Variants in SEC23A observed in about 807,000 individuals in gnomAD.
SEC23A encodes protein transport protein Sec23A.
SEC23A carries 56 observed loss-of-function variants against 103.7 expected under a neutral mutation model. The observed-to-expected ratio is 0.54, with a 90% CI of 0.44 to 0.67. The LOEUF (loss-of-function observed/expected upper bound fraction) is 0.67, where lower values mean the gene tolerates loss of function less well. Ranked by LOEUF, SEC23A falls within the 30% of genes least tolerant of loss-of-function variation. The pLI is 0.00. For synonymous variants in SEC23A, 281 were observed against 293.0 expected (o/e 0.96, Z 0.42); for missense variants, 784 against 936.4 (o/e 0.84, Z 2.12).
In SEC23A at chr14:39,103,119, G is replaced by C. The variant is rs1566521947; in HGVS notation, c.-109C>G. ...TCGCAGCCTCCGCTTTGCAAAATCT[G>C]TCCTCTCCGCCCAGCAGGAGCAGTC... On this transcript the variant is annotated 5_prime_UTR_variant, in exon 1 of 20. Coordinates refer to ENST00000307712, the MANE Select transcript of SEC23A (RefSeq NM_006364.4). 6.6e-6 allele frequency: 1 copy of C among 152,182 alleles called. No individual in the cohort carries two copies. The highest frequency in any genetic ancestry group is 1.5e-5 in the Non-Finnish European group (1 of 68,202). 9.4% of individuals were successfully genotyped at this position (152,182 alleles called of 1,614,324 possible).
intron 1 of SEC23A, among the ~76,000 whole-genome samples, chr14:39,101,771 ATT>A (rs1946142006): frequency 6.6e-6 from 1 of 152,188 alleles, no homozygotes; most frequent in Admixed American, 6.5e-5. Flanking sequence ...TGCCAATTAA[ATT>A]TGTCTCCTAC....
intron 13 of SEC23A, among the ~76,000 whole-genome samples, chr14:39,056,000 G>C (rs1015353711): frequency 2.0e-5 from 3 of 152,240 alleles, no homozygotes; most frequent in African/African-American, 7.2e-5. Flanking sequence ...AGGCTCTCTT[G>C]AGCAAAGCTA....
intron 7 of SEC23A, among the ~76,000 whole-genome samples, chr14:39,081,206 TA>T (rs780983657): frequency 1.9e-3 from 238 of 127,594 alleles, no homozygotes; most frequent in Non-Finnish European, 2.0e-3. Context: ...AGGCTCTGTT[TA>T]AAAAAAAAAA....
intron 14 of SEC23A, among the ~76,000 whole-genome samples, chr14:39,049,347 G>A (rs560273484): frequency 7.9e-5 from 12 of 151,842 alleles, no homozygotes; most frequent in African/African-American, 1.9e-4. Flanking sequence ...ATGGTGGTGC[G>A]CGCCTGTAAT....
intron 7 of SEC23A, among the ~76,000 whole-genome samples, chr14:39,077,170 G>A (rs1226860110): frequency 1.5e-5 from 2 of 136,314 alleles, no homozygotes; most frequent in Non-Finnish European, 3.1e-5. Flanking sequence ...TGAGGTTGCA[G>A]TGAGCCAAGA....
At chr14:39,053,604 T>C (rs1472503514) in intron 14 of SEC23A, among the ~76,000 whole-genome samples, 1 of 151,680 alleles carries the variant, frequency 6.6e-6, no homozygotes, top group African/African-American at 2.4e-5. Context: ...GGAGGTGAAA[T>C]CAAAAAAGTT....
At chr14:39,068,468 A>G (rs1886745373) in intron 9 of SEC23A, among the ~76,000 whole-genome samples, 1 of 152,244 alleles carries the variant, frequency 6.6e-6, no homozygotes, top group South Asian at 2.1e-4. Context: ...CACTATTTGT[A>G]ACAACAAAAG....
chr14:39,084,182 C>T (rs977616770), intron 7 of SEC23A, among the ~76,000 whole-genome samples: 2 of 151,260 alleles, frequency 1.3e-5, no homozygotes, highest in African/African-American at 4.9e-5. Flanking sequence ...CCACCACGCC[C>T]GGCTAGTTTT....
At chr14:39,072,888 T>TA (rs1886886811) in intron 9 of SEC23A, among the ~76,000 whole-genome samples, 1 of 152,188 alleles carries the variant, frequency 6.6e-6, no homozygotes, top group Non-Finnish European at 1.5e-5. Flanking sequence ...CATACTTTGG[T>TA]AATGGGAATT....
intron 13 of SEC23A, among the ~76,000 whole-genome samples, chr14:39,058,484 T>G (rs1346749898): frequency 6.6e-6 from 1 of 152,122 alleles, no homozygotes; most frequent in Non-Finnish European, 1.5e-5. Context: ...ATTTTTTGTA[T>G]TTTTAGTAGA....
In SEC23A at chr14:39,094,431, TATATATATA is replaced by T. The variant is rs1887808836; in HGVS notation, c.222-1196_222-1188del. Among the ~76,000 whole-genome samples, 15 of 50,374 alleles carry T rather than the reference TATATATATA, an allele frequency of 3.0e-4. 2 individuals are homozygous for T. The highest frequency in any genetic ancestry group is 2.5e-3 in the African/African-American group (13 of 5,210). The allele number at this position is 50,374 out of a possible 152,430, so 33.0% of individuals were successfully genotyped here. ...ATATATATATATATATATATATATA[TATATATATA>T]TATTTTTTTTTTTTTTTTTTCCCCT... On this transcript the variant is annotated intron_variant, in intron 2 of 19. Transcript: ENST00000307712.
At chr14:39,062,207 T>G (rs1272763047) in intron 12 of SEC23A, among the ~76,000 whole-genome samples, 1 of 152,164 alleles carries the variant, frequency 6.6e-6, no homozygotes, top group South Asian at 2.1e-4. Context: ...TAAGCCAAAC[T>G]GCACAGATTG....
At chr14:39,092,465 C>G (rs931900980) in intron 4 of SEC23A, 76 bp downstream of exon 4, 1 of 901,450 alleles carries the variant, frequency 1.1e-6, no homozygotes, top group Non-Finnish European at 1.8e-6. Context: ...ATGATTCCTT[C>G]TAAATCATCA....
At chr14:39,055,653 T>C (rs1886220483) in intron 13 of SEC23A, among the ~76,000 whole-genome samples, 1 of 152,116 alleles carries the variant, frequency 6.6e-6, no homozygotes, top group African/African-American at 2.4e-5. Flanking sequence ...AAACAAGCTT[T>C]AGGTATTAGG....
At chr14:39,095,435 T>TA (rs1254952857) in intron 2 of SEC23A, among the ~76,000 whole-genome samples, 1 of 152,080 alleles carries the variant, frequency 6.6e-6, no homozygotes, top group Non-Finnish European at 1.5e-5. Flanking sequence ...TAGCTGGGAC[T>TA]ACAGGCACAT....
At position 39,076,032 on chromosome 14, in the gene SEC23A, C is replaced by T; in HGVS notation, c.890G>A (p.Gly297Glu). 1 of 1,613,644 alleles carries T rather than the reference C, an allele frequency of 6.2e-7. No individual in the cohort carries two copies. Among genetic ancestry groups the T allele is most frequent in the East Asian group, 2.2e-5 (1 of 44,858 alleles). ...CTCATCTCCAACCACCATTCCAGGC[C>T]CCTGAGTAGCAGGACCACCAATGAA... ...MMFIGGPATQGPGMVVGDELK... is the reference protein window; with the variant it reads ...MMFIGGPATQEPGMVVGDELK... Residue 297 changes from glycine (G) to glutamate (E), a missense_variant, in exon 8 of 20, where the codon GGG becomes GAG. Coordinates refer to ENST00000307712, the MANE Select transcript of SEC23A (RefSeq NM_006364.4).
At chr14:39,051,629 T>G (rs950974409) in intron 14 of SEC23A, among the ~76,000 whole-genome samples, 9 of 152,050 alleles carry the variant, frequency 5.9e-5, no homozygotes, top group Middle Eastern at 6.8e-3. Context: ...ATAAAGAAAA[T>G]GTGGTACATA....
chr14:39,048,309 A>G (rs1460096250), intron 15 of SEC23A, among the ~76,000 whole-genome samples: 1 of 152,218 alleles, frequency 6.6e-6, no homozygotes, highest in Non-Finnish European at 1.5e-5. Context: ...AATGAGGCTC[A>G]ATGCTACTGG....
chr14:39,082,012 C>G (rs1221551322), intron 7 of SEC23A, among the ~76,000 whole-genome samples: 2 of 151,970 alleles, frequency 1.3e-5, no homozygotes, highest in African/African-American at 4.8e-5. Flanking sequence ...AGGTCCAGAG[C>G]AGGAAAAGGA....
Sources: gnomAD v4.1 joint callset for allele counts (sites outside exome capture counted in the v4.1 genomes callset) on GRCh38, gnomAD v4.1.1 for gene constraint, MANE v1.5 for transcripts, NCBI Gene and HGNC (gene_info 2026-07-23, HGNC 2026-07-21) for gene names.